SHROOM4: variants seen among roughly 807,000 people sequenced by gnomAD.
The protein encoded by SHROOM4 is shroom family member 4.
SHROOM4 carries 17 observed loss-of-function variants against 80.3 expected under a neutral mutation model. The observed-to-expected ratio is 0.21, with a 90% CI of 0.14 to 0.32. The LOEUF (loss-of-function observed/expected upper bound fraction) is 0.32, where lower values mean the gene tolerates loss of function less well. SHROOM4 is among the 10% of genes least tolerant of loss of function. The pLI is 1.00. For missense variants in SHROOM4, 993 were observed against 1,140.3 expected (o/e 0.87, Z 1.86); for synonymous variants, 400 against 437.5 (o/e 0.91, Z 1.07).
In SHROOM4 at chrX:50,635,639, G is replaced by A; in HGVS notation, c.434C>T (p.Ser145Phe). The change falls in exon 4 of 9, where the codon TCC becomes TTC. Residue 145 changes from serine to phenylalanine, a missense_variant. Coordinates refer to ENST00000376020, the MANE Select transcript of SHROOM4 (RefSeq NM_020717.5). Reference protein sequence around the residue: ...SDVCVQWCPLSRHCSTEKSSS... With the variant: ...SDVCVQWCPLFRHCSTEKSSS... ...GCTTTTCTCGGTGCTGCAATGCCGG[G>A]AGAGTGGACACCACTGCACACACAC... The A allele has an allele frequency of 8.3e-7, 1 of 1,210,100 alleles. No individual in the cohort carries two copies. The highest frequency in any genetic ancestry group is 1.7e-5 in the African/African-American group (1 of 57,424).
intron 1 of SHROOM4, among the ~76,000 whole-genome samples, chrX:50,704,048 A>G (rs2147475031): frequency 9.0e-6 from 1 of 111,720 alleles, no homozygotes; most frequent in Admixed American, 9.5e-5. Flanking sequence ...AGTTGTCAGC[A>G]ACAGAGTTTA....
intron 7 of SHROOM4, among the ~76,000 whole-genome samples, chrX:50,599,568 G>A (rs1290775803): frequency 8.9e-6 from 1 of 111,924 alleles, no homozygotes; most frequent in Non-Finnish European, 1.9e-5. Flanking sequence ...GCTATTATTT[G>A]TTACTCAGTC....
intron 5 of SHROOM4, among the ~76,000 whole-genome samples, chrX:50,619,433 C>T (rs144076325): frequency 2.6e-4 from 29 of 111,430 alleles, no homozygotes; most frequent in East Asian, 2.0e-3. Context: ...GGAAGTGAGA[C>T]GCAAGGAGGA....
intron 1 of SHROOM4, among the ~76,000 whole-genome samples, chrX:50,806,492 T>TA (rs1936230291): frequency 8.9e-6 from 1 of 111,891 alleles, no homozygotes; most frequent in African/African-American, 3.3e-5. Flanking sequence ...GGCAAAGAGG[T>TA]ATAAGGAGAC....
intron 5 of SHROOM4, among the ~76,000 whole-genome samples, chrX:50,609,113 T>C (rs1929832888): frequency 9.1e-6 from 1 of 110,111 alleles, no homozygotes; most frequent in African/African-American, 3.3e-5. Flanking sequence ...TTTTTTTTAA[T>C]TAGCTGTGCA....
chrX:50,638,822 A>G (rs1430103544), intron 2 of SHROOM4, among the ~76,000 whole-genome samples: 1 of 112,890 alleles, frequency 8.9e-6, no homozygotes, highest in Non-Finnish European at 1.9e-5. Flanking sequence ...CTGGGATTAC[A>G]GAGATGAATC....
intron 5 of SHROOM4, among the ~76,000 whole-genome samples, chrX:50,611,136 C>CTTTTTTCTTTT (rs1929954698): frequency 1.4e-5 from 1 of 72,915 alleles, no homozygotes; most frequent in African/African-American, 5.7e-5. Context: ...ACCATATTTT[C>CTTTTTTCTTTT]TTTTTTTCTT....
chrX:50,726,071 G>C (rs1011113321), intron 1 of SHROOM4, among the ~76,000 whole-genome samples: 1 of 111,954 alleles, frequency 8.9e-6, no homozygotes, highest in African/African-American at 3.3e-5. Flanking sequence ...TGGAGCAAAG[G>C]TCACTCTTGC....
intron 2 of SHROOM4, among the ~76,000 whole-genome samples, chrX:50,694,543 ATTT>A (rs782530547): frequency 1.6e-4 from 2 of 12,494 alleles, no homozygotes; most frequent in Non-Finnish European, 2.5e-4. Flanking sequence ...TTTAAGTTGG[ATTT>A]TTTTTTTTTT....
At chrX:50,763,017 C>T (rs975228239) in intron 1 of SHROOM4, among the ~76,000 whole-genome samples, 1 of 111,272 alleles carries the variant, frequency 9.0e-6, no homozygotes, top group Non-Finnish European at 1.9e-5. Flanking sequence ...CCTTGCAGTA[C>T]TTTTATCATG....
chrX:50,813,314 G>A (rs1054733862), intron 1 of SHROOM4, among the ~76,000 whole-genome samples: 4 of 111,908 alleles, frequency 3.6e-5, no homozygotes, highest in Non-Finnish European at 5.7e-5. Flanking sequence ...GGGAGAGGCC[G>A]AGCCGAACCG....
chrX:50,605,009 A>G (rs989726357), intron 6 of SHROOM4, among the ~76,000 whole-genome samples: 4 of 112,189 alleles, frequency 3.6e-5, no homozygotes, highest in Non-Finnish European at 5.6e-5. Context: ...TGAAATTAGG[A>G]TATCTTTGTT....
chrX:50,707,723 C>T (rs1361213659), intron 1 of SHROOM4, among the ~76,000 whole-genome samples: 8 of 107,097 alleles, frequency 7.5e-5, no homozygotes, highest in African/African-American at 2.0e-4. Context: ...TTTTTTTCTC[C>T]GTCTCTTTTT....
At chrX:50,785,803 G>A (rs1192338624) in intron 1 of SHROOM4, among the ~76,000 whole-genome samples, 2 of 111,276 alleles carry the variant, frequency 1.8e-5, no homozygotes, top group Admixed American at 9.5e-5. Flanking sequence ...GTATATCCAT[G>A]TATATCTTAT....
chrX:50,764,874 G>T (rs1935238750), intron 1 of SHROOM4, among the ~76,000 whole-genome samples: 1 of 111,892 alleles, frequency 8.9e-6, no homozygotes, highest in Non-Finnish European at 1.9e-5. Flanking sequence ...AGAAAAAAAG[G>T]TTTAATGGAC....
intron 2 of SHROOM4, among the ~76,000 whole-genome samples, chrX:50,644,816 T>C (rs1931763033): frequency 8.9e-6 from 1 of 112,163 alleles, no homozygotes; most frequent in Non-Finnish European, 1.9e-5. Context: ...GAGGAGCATA[T>C]GGATCTGGCT....
At chrX:50,654,303 G>A (rs1224797563) in intron 2 of SHROOM4, among the ~76,000 whole-genome samples, 1 of 111,146 alleles carries the variant, frequency 9.0e-6, no homozygotes, top group African/African-American at 3.3e-5. Context: ...GCTTTTGTCT[G>A]GTTCCACAAT....
At chrX:50,730,270 A>C (rs1934338597) in intron 1 of SHROOM4, among the ~76,000 whole-genome samples, 1 of 109,638 alleles carries the variant, frequency 9.1e-6, no homozygotes, top group Admixed American at 9.8e-5. Context: ...TCTACTAAAA[A>C]TACAAAGTTA....
chrX:50,734,739 C>T (rs1176016104), intron 1 of SHROOM4, among the ~76,000 whole-genome samples: 1 of 111,131 alleles, frequency 9.0e-6, no homozygotes, highest in African/African-American at 3.3e-5. Context: ...AATTGTAGCT[C>T]CCATAATTCC....
Sources: allele counts gnomAD v4.1 joint callset (sites outside exome capture counted in the v4.1 genomes callset), GRCh38; gene constraint gnomAD v4.1.1; transcripts MANE v1.5; gene names NCBI Gene and HGNC (gene_info 2026-07-23, HGNC 2026-07-21).